The following GALNT11 variants were observed in gnomAD, a reference collection of about 807,000 sequenced individuals.
GALNT11 encodes UDP-GalNAc:polypeptide N-acetylgalactosaminyltransferase 11.
In GALNT11, 47 loss-of-function variants were observed where a neutral mutation model predicts 72.7. The observed-to-expected ratio is 0.65, with a 90% confidence interval of 0.51 to 0.82. GALNT11 has a LOEUF of 0.82. GALNT11 is among the 40% of genes least tolerant of loss of function. GALNT11 has a pLI of 0.00. For synonymous variants in GALNT11, 270 were observed against 286.6 expected (o/e 0.94, Z 0.58); for missense variants, 677 against 778.4 (o/e 0.87, Z 1.55).
intron 1 of GALNT11, among the ~76,000 whole-genome samples, chr7:152,091,955 T>C (rs2086065676): frequency 1.3e-5 from 2 of 152,150 alleles, no homozygotes; most frequent in Non-Finnish European, 2.9e-5. Flanking sequence ...TGGTTCCCTT[T>C]TGTGAGGGCC....
Position 152,105,307 on chromosome 7 carries a change from A to C in GALNT11, c.649A>C (p.Ile217Leu). 1.2e-6 allele frequency: 2 copies of C among 1,614,168 alleles called. No individual in the cohort carries two copies. The highest frequency in any genetic ancestry group is 1.7e-6 in the Non-Finnish European group (2 of 1,180,012). Residue 217 changes from isoleucine (I) to leucine (L), a missense_variant, in exon 5 of 12, where the codon ATA becomes CTA. Physicochemically the swap from Ile to Leu is conservative, Grantham distance 5 (BLOSUM62 2). Coordinates refer to ENST00000430044, the MANE Select transcript of GALNT11 (RefSeq NM_022087.4). ...ATACCTCCCTGGAAAAATTAAAGTCATAAGAAATACAAAGCGTGAGGGGTT... is the reference window on the plus strand; with the variant it reads ...ATACCTCCCTGGAAAAATTAAAGTCCTAAGAAATACAAAGCGTGAGGGGTT... ...QKYLPGKIKV[I>L]RNTKREGLIR...
chr7:152,091,898 T>C (rs987721981), intron 1 of GALNT11, among the ~76,000 whole-genome samples: 4 of 152,226 alleles, frequency 2.6e-5, no homozygotes, highest in Non-Finnish European at 5.9e-5. Context: ...CCATCTTTCA[T>C]AGCTGCTAAT....
intron 2 of GALNT11, among the ~76,000 whole-genome samples, chr7:152,098,483 C>T (rs2086539488): frequency 6.6e-6 from 1 of 151,850 alleles, no homozygotes; most frequent in East Asian, 1.9e-4. Context: ...CTCATTTAAT[C>T]TGAAATTAAT....
At chr7:152,093,377 G>A (rs976391991) in intron 1 of GALNT11, among the ~76,000 whole-genome samples, 1 of 152,028 alleles carries the variant, frequency 6.6e-6, no homozygotes, top group Non-Finnish European at 1.5e-5. Context: ...ACTAGGGCAG[G>A]CATAACCTTT....
intron 1 of GALNT11, among the ~76,000 whole-genome samples, chr7:152,063,741 G>T (rs1309473342): frequency 1.3e-5 from 2 of 152,156 alleles, no homozygotes; most frequent in East Asian, 1.9e-4. Flanking sequence ...TTCAGGAGCA[G>T]GTTGTTCAGT....
At chr7:152,039,717 T>C (rs2082760472) in intron 1 of GALNT11, among the ~76,000 whole-genome samples, 1 of 152,164 alleles carries the variant, frequency 6.6e-6, no homozygotes, top group African/African-American at 2.4e-5. Context: ...TGATAAGGTT[T>C]CAGGTGTTTT....
At chr7:152,066,944 G>A (rs1305001923) in intron 1 of GALNT11, among the ~76,000 whole-genome samples, 4 of 152,108 alleles carry the variant, frequency 2.6e-5, no homozygotes, top group African/African-American at 4.8e-5. Context: ...ACCGAAACAC[G>A]AAGTAAACAA....
rs187088349 is a variant in GALNT11 at position 152,060,558 on chromosome 7, G to A, written c.-38-33632G>A. Among the ~76,000 whole-genome samples the A allele has an allele frequency of 2.8e-3, 420 of 152,032 alleles. 1 individual carries two copies. Among genetic ancestry groups the A allele is most frequent in the African/African-American group, 9.7e-3 (401 of 41,470 alleles). On this transcript the variant is annotated intron_variant, in intron 1 of 11. Transcript: ENST00000430044. The stretch of plus-strand genomic sequence containing the variant: ...TGTTACATATGTATACATGGGCCAT[G>A]TTGGTGTGCTGCACTCATTAACTCG...
At chr7:152,077,060 C>T (rs1048265588) in intron 1 of GALNT11, among the ~76,000 whole-genome samples, 3 of 152,172 alleles carry the variant, frequency 2.0e-5, no homozygotes, top group African/African-American at 7.2e-5. Context: ...CACCACACCC[C>T]AGCCTGGGTG....
At chr7:152,105,449 A>G in intron 5 of GALNT11, 79 bp downstream of exon 5, 1 of 1,533,448 alleles carries the variant, frequency 6.5e-7, no homozygotes, top group Non-Finnish European at 8.8e-7. Flanking sequence ...TGATTCTGCA[A>G]AGTCTATGAA....
chr7:152,103,128 T>C lies in GALNT11; in HGVS notation c.436T>C (p.Tyr146His). 1 of 1,608,436 alleles carries C rather than the reference T, an allele frequency of 6.2e-7. No individual in the cohort carries two copies. The highest frequency in any genetic ancestry group is 8.5e-7 in the Non-Finnish European group (1 of 1,176,416). Reference protein sequence around the residue: ...TRNAACKEKFYPPDLPAASVV... With the variant: ...TRNAACKEKFHPPDLPAASVV... ...TCTTTACAGATGTAAAGAAAAGTTC[T>C]ACCCACCTGACCTGCCAGCTGCTAG... Residue 146 changes from tyrosine (Y) to histidine (H), a missense_variant, in exon 4 of 12, where the codon TAC (tyrosine) becomes CAC (histidine). Tyr to His is a moderately conservative substitution (Grantham distance 83, BLOSUM62 2). Transcript: ENST00000430044.
At chr7:152,042,286 A>G (rs547072380) in intron 1 of GALNT11, among the ~76,000 whole-genome samples, 20 of 151,168 alleles carry the variant, frequency 1.3e-4, no homozygotes, top group East Asian at 7.7e-4. Flanking sequence ...GGAGAAGGCA[A>G]TCTTGGCTGT....
chr7:152,074,599 C>T lies in GALNT11; in HGVS notation c.-38-19591C>T, dbSNP rs1171616557. Among the ~76,000 whole-genome samples the T allele has an allele frequency of 2.0e-5, 3 of 151,736 alleles. 1 individual carries two copies. On this transcript the variant is annotated intron_variant, in intron 1 of 11. Transcript: ENST00000430044. ...CTTCCAGCTTTATAACTTTTTTTTC[C>T]TCTTTGAGTTGTAAGCCACTTTTAG...
chr7:152,084,818 A>G (rs2085542154), intron 1 of GALNT11, among the ~76,000 whole-genome samples: 1 of 152,188 alleles, frequency 6.6e-6, no homozygotes, highest in Non-Finnish European at 1.5e-5. Flanking sequence ...AAAGATGGAA[A>G]TGATCTCTGT....
Position 152,094,295 on chromosome 7 carries a change from T to A in GALNT11, c.68T>A (p.Leu23Ter). Residue 23 changes from leucine (L) to a stop codon, truncating the protein, a stop_gained, in exon 2 of 12, where the codon TTG becomes TAG. Transcript: ENST00000430044. LOFTEE classifies it high-confidence loss of function. This position sits in a 1 kb window ranked among gnomAD's most constrained non-coding sequence, Gnocchi z 4.3. Reference sequence around the variant, plus strand: ...TTTACATCTGCGACCTGGACAGTTTTGCTTTTTGTTTATTTCAACTTCAGT... The same window carrying A: ...TTTACATCTGCGACCTGGACAGTTTAGCTTTTTGTTTATTTCAACTTCAGT... ...CLFTSATWTV[L>*]LFVYFNFSEV... The A allele has an allele frequency of 6.2e-7, 1 of 1,614,164 alleles. No individual in the cohort carries two copies. Among genetic ancestry groups the A allele is most frequent in the South Asian group, 1.1e-5 (1 of 91,080 alleles).
chr7:152,096,043 C>A (rs1165578405), intron 2 of GALNT11, among the ~76,000 whole-genome samples: 1 of 152,090 alleles, frequency 6.6e-6, no homozygotes, highest in Non-Finnish European at 1.5e-5. Flanking sequence ...AGTCATAAAA[C>A]ACTTAAGAAT....
At chr7:152,110,214 C>G (rs1310745916) in intron 6 of GALNT11, among the ~76,000 whole-genome samples, 2 of 152,094 alleles carry the variant, frequency 1.3e-5, no homozygotes, top group Non-Finnish European at 2.9e-5. Context: ...AGTTTTGATC[C>G]CCAAGGCTCT....
At chr7:152,102,996 AG>A in intron 3 of GALNT11, 115 bp from the exon 4 acceptor site, 2 of 933,440 alleles carry the variant, frequency 2.1e-6, no homozygotes, top group South Asian at 2.0e-5. Flanking sequence ...AAAAAAAAAA[AG>A]GCAGGGGGTG....
At chr7:152,040,450 G>A (rs974101028) in intron 1 of GALNT11, among the ~76,000 whole-genome samples, 4 of 152,192 alleles carry the variant, frequency 2.6e-5, no homozygotes, top group African/African-American at 4.8e-5. Context: ...CTGTATCTGC[G>A]TTTGAGACCA....
Sources: allele counts gnomAD v4.1 joint callset (sites outside exome capture counted in the v4.1 genomes callset), GRCh38; gene constraint gnomAD v4.1.1; non-coding constraint Gnocchi (gnomAD v3.1); transcripts MANE v1.5; gene names NCBI Gene and HGNC (gene_info 2026-07-23, HGNC 2026-07-21).